Variants in MYCBP2 observed in about 807,000 individuals in gnomAD.
MYCBP2 encodes MYC binding protein 2, also known as E3 ubiquitin-protein ligase MYCBP2.
Under a neutral mutation model 525.3 loss-of-function variants are expected in MYCBP2, and 120 were observed. That is an observed-to-expected ratio of 0.23 (90% confidence interval 0.20 to 0.27). The LOEUF is 0.27. MYCBP2 is among the 10% of genes least tolerant of loss of function. The probability of loss-of-function intolerance (pLI) is 1.00; values close to 1 mark genes in which losing one functional copy is unlikely to be tolerated. For synonymous variants in MYCBP2, 1,894 were observed against 1,955.8 expected, an observed-to-expected ratio of 0.97 and a Z score of 0.83; for missense variants, 4,149 against 5,657.1, an observed-to-expected ratio of 0.73 and a Z score of 8.55.
intron 58 of MYCBP2, among the ~76,000 whole-genome samples, chr13:77,094,218 G>A (rs1175188207): frequency 6.6e-6 from 1 of 152,134 alleles, no homozygotes; most frequent in African/African-American, 2.4e-5. Flanking sequence ...ATGTCAGTGG[G>A]CAATATCTAG....
intron 36 of MYCBP2, among the ~76,000 whole-genome samples, chr13:77,175,759 G>A (rs1422772319): frequency 6.6e-6 from 1 of 151,952 alleles, no homozygotes; most frequent in Non-Finnish European, 1.5e-5. Context: ...GCAGGAGTTC[G>A]AGACCAGCCT....
chr13:77,204,324 A>C (rs1264309726), intron 26 of MYCBP2, among the ~76,000 whole-genome samples: 12 of 150,238 alleles, frequency 8.0e-5, no homozygotes, highest in Middle Eastern at 3.5e-3. Context: ...CCATCAGAGA[A>C]ATGCAAATCA....
chr13:77,146,752 A>T (rs757462571), intron 47 of MYCBP2, among the ~76,000 whole-genome samples: 65 of 152,162 alleles, frequency 4.3e-4, no homozygotes, highest in Non-Finnish European at 8.2e-4. Flanking sequence ...ATGGTCATCA[A>T]ATTGTGTTGG....
intron 26 of MYCBP2, among the ~76,000 whole-genome samples, chr13:77,200,898 A>C (rs1271834205): frequency 6.6e-6 from 1 of 152,206 alleles, no homozygotes; most frequent in Non-Finnish European, 1.5e-5. Flanking sequence ...GGAAGTGCTA[A>C]ACATGGAAAG....
chr13:77,102,298 T>C (rs1443251885), intron 55 of MYCBP2, among the ~76,000 whole-genome samples: 1 of 151,726 alleles, frequency 6.6e-6, no homozygotes, highest in Non-Finnish European at 1.5e-5. Context: ...TACTATTTAG[T>C]ATATTTTTAT....
chr13:77,120,873 C>T (rs2050573877), intron 55 of MYCBP2, among the ~76,000 whole-genome samples: 1 of 152,062 alleles, frequency 6.6e-6, no homozygotes, highest in South Asian at 2.1e-4. Flanking sequence ...CCAAACAGAT[C>T]ATTTCACATA....
chr13:77,318,760 A>C (rs2081256859), intron 1 of MYCBP2, among the ~76,000 whole-genome samples: 1 of 152,276 alleles, frequency 6.6e-6, no homozygotes, highest in African/African-American at 2.4e-5. Flanking sequence ...CCTCAAAACA[A>C]ACAAACAAAC....
At chr13:77,087,217 G>A (rs61962742) in intron 62 of MYCBP2, among the ~76,000 whole-genome samples, 10 of 152,104 alleles carry the variant, frequency 6.6e-5, no homozygotes, top group South Asian at 2.1e-4. Context: ...CATGGAAACC[G>A]AGGCCTACAA....
intron 14 of MYCBP2, among the ~76,000 whole-genome samples, chr13:77,252,129 A>G (rs1325738698): frequency 6.6e-6 from 1 of 152,140 alleles, no homozygotes; most frequent in African/African-American, 2.4e-5. Context: ...ATGGTGTTAC[A>G]ATACAATTCA....
At chr13:77,077,789 T>A (rs1303384859) in intron 66 of MYCBP2, 2 of 157,556 alleles carry the variant, frequency 1.3e-5, no homozygotes, top group Admixed American at 6.3e-5. Flanking sequence ...TTTTTGTGCA[T>A]CCTCACATTA....
chr13:77,183,630 C>G (rs1217371690), intron 32 of MYCBP2, among the ~76,000 whole-genome samples: 2 of 123,514 alleles, frequency 1.6e-5, no homozygotes, highest in African/African-American at 6.0e-5. Context: ...TGCCTCAATG[C>G]AACCTTCACC....
At chr13:77,237,966 G>A (rs550162659) in intron 17 of MYCBP2, among the ~76,000 whole-genome samples, 7 of 152,160 alleles carry the variant, frequency 4.6e-5, no homozygotes, top group South Asian at 4.1e-4. Flanking sequence ...GCAACATGCC[G>A]GACGCGGTGG....
intron 18 of MYCBP2, among the ~76,000 whole-genome samples, chr13:77,228,489 AGAG>A (rs2066635395): frequency 6.6e-6 from 1 of 151,014 alleles, no homozygotes; most frequent in Admixed American, 6.6e-5. Flanking sequence ...CCTAGGTGAT[AGAG>A]TGAGACCCTG....
At chr13:77,263,339 A>C (rs1414230376) in intron 10 of MYCBP2, among the ~76,000 whole-genome samples, 1 of 151,998 alleles carries the variant, frequency 6.6e-6, no homozygotes, top group Non-Finnish European at 1.5e-5. Flanking sequence ...GCAGCATATA[A>C]ACTAATGACA....
chr13:77,313,024 A>C (rs1280613592), intron 1 of MYCBP2, among the ~76,000 whole-genome samples: 1 of 152,086 alleles, frequency 6.6e-6, no homozygotes, highest in Non-Finnish European at 1.5e-5. Context: ...GCAATAAAAC[A>C]AATCTCAATA....
intron 14 of MYCBP2, among the ~76,000 whole-genome samples, chr13:77,256,249 A>C (rs1206666727): frequency 1.3e-5 from 2 of 152,090 alleles, no homozygotes; most frequent in Admixed American, 1.3e-4. Context: ...TACGCCAGAA[A>C]GATTGCTGCC....
At chr13:77,199,634 A>G (rs1412943029) in intron 26 of MYCBP2, among the ~76,000 whole-genome samples, 6 of 152,220 alleles carry the variant, frequency 3.9e-5, no homozygotes, top group Non-Finnish European at 7.3e-5. Flanking sequence ...GCAGACTTAA[A>G]TGTCCCTGTC....
chr13:77,284,386 G>C lies in MYCBP2; in HGVS notation c.594+3775C>G, dbSNP rs377308547. Among the ~76,000 whole-genome samples the C allele has an allele frequency of 7.9e-5, 12 of 152,200 alleles. No individual in the cohort carries two copies. In the East Asian group the frequency reaches 2.3e-3, roughly 29 times the overall value. ...GGCTGAGGCACAGAGAAGGTCAAAG[G>C]GAAAAGAAAAATGCCAACATTTCCC... is the stretch of plus-strand genomic sequence containing the variant. On this transcript the variant is annotated intron_variant, in intron 3 of 82. Coordinates refer to ENST00000544440, the MANE Select transcript of MYCBP2 (RefSeq NM_015057.5).
chr13:77,065,870 C>A (rs1015364704), intron 72 of MYCBP2, 122 bp downstream of exon 72: 3 of 592,834 alleles, frequency 5.1e-6, no homozygotes, highest in African/African-American at 1.9e-5. Flanking sequence ...AGTTAACATA[C>A]TACAAATAGT....
Sources: gnomAD v4.1 joint callset for allele counts (sites outside exome capture counted in the v4.1 genomes callset) on GRCh38, gnomAD v4.1.1 for gene constraint, MANE v1.5 for transcripts, NCBI Gene and HGNC (gene_info 2026-07-23, HGNC 2026-07-21) for gene names.